The following CIMAP1D variants were observed in gnomAD, a reference collection of about 807,000 sequenced individuals.
CIMAP1D encodes CIMAP1 family member D.
chr19:488,529 T>A, the CIMAP1D span, among the ~76,000 whole-genome samples: 10 of 152,128 alleles, frequency 6.6e-5, no homozygotes, highest in Middle Eastern at 3.2e-3. Context: ...CTCAAAAAAA[T>A]AACAAGTAAA....
the CIMAP1D span, among the ~76,000 whole-genome samples, chr19:491,415 G>A: frequency 2.4e-4 from 37 of 152,342 alleles, no homozygotes; most frequent in African/African-American, 8.7e-4. Flanking sequence ...ACGCCGTGTG[G>A]CTTGTGCCCT....
the CIMAP1D span, among the ~76,000 whole-genome samples, chr19:470,207 CTTT>C: frequency 3.8e-4 from 44 of 116,030 alleles, no homozygotes; most frequent in African/African-American, 3.3e-4. Flanking sequence ...AGGCTAAGTT[CTTT>C]TTTTTTTTTT....
chr19:466,117 ATGGG>A, the CIMAP1D span, among the ~76,000 whole-genome samples: 4 of 126,630 alleles, frequency 3.2e-5, no homozygotes, highest in East Asian at 2.8e-4. Flanking sequence ...GGGTGAATAG[ATGGG>A]TGGGTGGGTG....
the CIMAP1D span, among the ~76,000 whole-genome samples, chr19:471,381 C>T: frequency 6.6e-6 from 1 of 152,130 alleles, no homozygotes; most frequent in East Asian, 1.9e-4. Context: ...ATCTCCTGAC[C>T]TCGGGATCCC....
chr19:481,410 T>TG, the CIMAP1D span, among the ~76,000 whole-genome samples: 50 of 70,276 alleles, frequency 7.1e-4, 3 homozygotes, highest in East Asian at 4.7e-3. Flanking sequence ...GGAAGGATGA[T>TG]GGGAAGGATG....
the CIMAP1D span, among the ~76,000 whole-genome samples, chr19:470,936 C>T: frequency 5.3e-5 from 8 of 152,288 alleles, no homozygotes; most frequent in East Asian, 1.9e-4. Context: ...TGTGGCACAG[C>T]GAGCCGGTGC....
chr19:472,361 G>A, the CIMAP1D span: 2 of 1,269,270 alleles, frequency 1.6e-6, no homozygotes, highest in African/African-American at 1.5e-5. Context: ...GGAGGATCAG[G>A]GAAGCCTCCA....
At chr19:483,455 C>A in the CIMAP1D span, among the ~76,000 whole-genome samples, 1 of 152,224 alleles carries the variant, frequency 6.6e-6, no homozygotes, top group Non-Finnish European at 1.5e-5. Context: ...ACCACTCCCC[C>A]AGGCATGCAG....
chr19:472,278 GC>G, the CIMAP1D span: 1 of 533,150 alleles, frequency 1.9e-6, no homozygotes, highest in Non-Finnish European at 3.2e-6. Flanking sequence ...AGCCCTGCCT[GC>G]TTCCTGCCGC....
the CIMAP1D span, chr19:490,182 C>G: frequency 2.9e-6 from 1 of 341,942 alleles, no homozygotes. Context: ...ATGGCAAAAC[C>G]TCGTCTCTAC....
chr19:482,471 G>A, the CIMAP1D span, among the ~76,000 whole-genome samples: 82 of 152,342 alleles, frequency 5.4e-4, no homozygotes, highest in African/African-American at 1.9e-3. Context: ...ATGACATCTA[G>A]TGACTGGAGA....
the CIMAP1D span, among the ~76,000 whole-genome samples, chr19:481,384 GTGGGAAGGATGATGGGGAAGGATGA>G: frequency 9.0e-6 from 1 of 111,002 alleles, no homozygotes; most frequent in Non-Finnish European, 1.7e-5. Flanking sequence ...GAGAAGGAAT[GTGGGAAGGATGATGGGGAAGGATGA>G]TGGGAAGGAT....
At chr19:477,348 C>T in the CIMAP1D span, among the ~76,000 whole-genome samples, 3 of 152,074 alleles carry the variant, frequency 2.0e-5, no homozygotes, top group Admixed American at 6.6e-5. Context: ...CCGAGGCGGG[C>T]GGATCACTTG....
the CIMAP1D span, among the ~76,000 whole-genome samples, chr19:475,906 T>A: frequency 1.3e-5 from 2 of 150,834 alleles, no homozygotes; most frequent in African/African-American, 4.9e-5. Flanking sequence ...CCTGAGTAGC[T>A]GAGATTACAG....
the CIMAP1D span, among the ~76,000 whole-genome samples, chr19:478,489 G>A: frequency 1.4e-5 from 2 of 147,290 alleles, no homozygotes; most frequent in Non-Finnish European, 2.9e-5. Context: ...GCTGAGGGCC[G>A]GCAGCCTCGC....
chr19:481,212 G>T, the CIMAP1D span, among the ~76,000 whole-genome samples: 5,727 of 78,744 alleles, frequency 0.073, no homozygotes, highest in South Asian at 0.11. Flanking sequence ...AGGATGATGA[G>T]AAGGATGATG....
chr19:477,694 G>T, the CIMAP1D span, among the ~76,000 whole-genome samples: 1 of 152,080 alleles, frequency 6.6e-6, no homozygotes, highest in Non-Finnish European at 1.5e-5. Context: ...ACGGAGTCTC[G>T]CTCTGTCGCC....
At chr19:486,102 C>G in the CIMAP1D span, among the ~76,000 whole-genome samples, 4,128 of 152,344 alleles carry the variant, frequency 0.027, 88 homozygotes, top group Non-Finnish European at 0.045. Flanking sequence ...AGGACAGGAC[C>G]AGCTCTCAGG....
the CIMAP1D span, among the ~76,000 whole-genome samples, chr19:476,490 T>C: frequency 2.0e-5 from 3 of 152,180 alleles, no homozygotes; most frequent in African/African-American, 4.8e-5. Context: ...GTGCCTGGCC[T>C]GCAGTGTCAT....
Sources: allele counts gnomAD v4.1 joint callset (sites outside exome capture counted in the v4.1 genomes callset), GRCh38; gene constraint gnomAD v4.1.1; transcripts MANE v1.5; gene names NCBI Gene and HGNC (gene_info 2026-07-23, HGNC 2026-07-21).